WNK3: variants seen among roughly 807,000 people sequenced by gnomAD.
WNK3 encodes the protein serine/threonine-protein kinase WNK3.
A neutral mutation model predicts 116.7 loss-of-function variants in WNK3; 18 were observed. The observed-to-expected ratio is 0.15, with a 90% CI of 0.11 to 0.23. WNK3 has a LOEUF of 0.23. Among genes scored for constraint, WNK3 ranks in the 10% least tolerant of loss-of-function variants. WNK3 has a pLI of 1.00. For missense variants in WNK3, 993 were observed against 1,323.8 expected, an observed-to-expected ratio of 0.75 and a Z score of 3.88; for synonymous variants, 404 against 469.4, an observed-to-expected ratio of 0.86 and a Z score of 1.80.
intron 10 of WNK3, among the ~76,000 whole-genome samples, chrX:54,259,931 G>C (rs1025687629): frequency 8.9e-6 from 1 of 111,944 alleles, no homozygotes; most frequent in Non-Finnish European, 1.9e-5. Flanking sequence ...ATAGCAGAGT[G>C]ATCTTAGAAT....
chrX:54,294,626 T>C (rs782103282), exon 8 of WNK3: 1 of 1,206,573 alleles, frequency 8.3e-7, no homozygotes, highest in South Asian at 1.8e-5. Flanking sequence ...CAACTTCAGT[T>C]TCTTCACATT....
rs1334003940 is a variant in WNK3 at position 54,248,030 on chromosome X, C to G, written c.3651+667G>C. Among the ~76,000 whole-genome samples, 3 of 110,642 alleles carry G rather than the reference C, an allele frequency of 2.7e-5. No individual in the cohort carries two copies. In the Admixed American group the frequency reaches 2.9e-4, roughly 11 times the overall value. ...GGCCAAGGCAGGTGGATCACGAGGT[C>G]AAGAGTTCGAGACCAGCCTGGCCAA... is the stretch of plus-strand genomic sequence containing the variant. On this transcript the variant is annotated intron_variant, in intron 17 of 23. Transcript: ENST00000354646.
chrX:54,233,126 A>C, intron 20 of WNK3, 106 bp from the exon 21 acceptor site: 1 of 607,572 alleles, frequency 1.6e-6, no homozygotes, highest in Non-Finnish European at 2.6e-6. Flanking sequence ...AATTTAGATT[A>C]AGAATGGGGA....
chrX:54,224,171 T>C (rs1427832017), intron 22 of WNK3: 2 of 111,568 alleles, frequency 1.8e-5, no homozygotes, highest in African/African-American at 6.6e-5. Flanking sequence ...CTGACCAACA[T>C]AGAGAACCCC....
chrX:54,290,169 G>A (rs1356349092), intron 10 of WNK3, among the ~76,000 whole-genome samples: 1 of 110,767 alleles, frequency 9.0e-6, no homozygotes, highest in Non-Finnish European at 1.9e-5. Context: ...CCAGCTACTT[G>A]GGAGGCTGAG....
chrX:54,307,265 C>T (rs2147161659), intron 5 of WNK3, among the ~76,000 whole-genome samples: 1 of 108,743 alleles, frequency 9.2e-6, no homozygotes, highest in East Asian at 2.9e-4. Flanking sequence ...TTTAAAAAAC[C>T]AATACCTACT....
At chrX:54,320,127 C>G (rs782605167) in intron 2 of WNK3, among the ~76,000 whole-genome samples, 34 of 111,949 alleles carry the variant, frequency 3.0e-4, no homozygotes, top group Non-Finnish European at 5.6e-4. Context: ...CTACTCCACA[C>G]TACTGTAAAA....
chrX:54,326,475 A>G (rs1304229103), intron 2 of WNK3, among the ~76,000 whole-genome samples: 1 of 110,909 alleles, frequency 9.0e-6, no homozygotes, highest in East Asian at 2.9e-4. Flanking sequence ...AGGCCAAGGT[A>G]GGAGGATCAC....
intron 22 of WNK3, among the ~76,000 whole-genome samples, chrX:54,224,743 G>T (rs2067813834): frequency 9.1e-6 from 1 of 109,639 alleles, no homozygotes; most frequent in Admixed American, 9.8e-5. Context: ...CTAATTTTTT[G>T]TATTTTTAGT....
rs900235852 is a variant in WNK3 at position 54,218,942 on chromosome X, T to A, written c.4870+9772A>T. Among the ~76,000 whole-genome samples the A allele has an allele frequency of 7.3e-5, 8 of 110,037 alleles. No homozygotes were observed. In the Admixed American group the frequency reaches 7.8e-4, roughly 11 times the overall value. On this transcript the variant is annotated intron_variant, in intron 22 of 23. Transcript: ENST00000354646. ...TAAATAAATTGATAGATAGATAAAA[T>A]AAAAAATAAAAAAATTTAAAAAAGT...
At chrX:54,358,364 A>ATTCTT (rs2147374717), upstream of WNK3, among the ~76,000 whole-genome samples, 1 of 109,025 alleles carries the variant, frequency 9.2e-6, no homozygotes, top group South Asian at 4.0e-4. Flanking sequence ...GAGAAGAAGA[A>ATTCTT]GAAGAAGAAA....
chrX:54,279,392 C>T (rs1055139679), intron 10 of WNK3, among the ~76,000 whole-genome samples: 2 of 110,522 alleles, frequency 1.8e-5, no homozygotes, highest in African/African-American at 6.6e-5. Flanking sequence ...CAGGGAGACC[C>T]GTCTCTACAC....
intron 17 of WNK3, among the ~76,000 whole-genome samples, chrX:54,244,016 T>C (rs1214243266): frequency 6.3e-5 from 7 of 111,887 alleles, no homozygotes; most frequent in Non-Finnish European, 5.6e-5. Flanking sequence ...ATATGAAATA[T>C]CTAGCATAAG....
At chrX:54,270,307 G>A (rs1278586649) in intron 10 of WNK3, among the ~76,000 whole-genome samples, 2 of 109,513 alleles carry the variant, frequency 1.8e-5, no homozygotes, top group African/African-American at 6.6e-5. Flanking sequence ...GTTTCTCCAC[G>A]TTGGTCAGGC....
rs569693679 is a variant in WNK3, at chrX:54,224,608, C to T, written c.4870+4106G>A. On this transcript the variant is annotated intron_variant, in intron 22 of 23. Coordinates refer to ENST00000354646, the Ensembl canonical transcript of WNK3. ...TTTTTGAGATGGAGTCTCGCTCTGT[C>T]GCCCAGGCTGGAGTGCAGTGGCAAG... Among the ~76,000 whole-genome samples the T allele has an allele frequency of 7.9e-4, 85 of 107,608 alleles. 5 individuals carry two copies. In the South Asian group the frequency reaches 0.035, roughly 44 times the overall value. 93.4% of individuals were successfully genotyped at this position (107,608 alleles called of 115,157 possible). A position where few individuals can be genotyped will look rare whatever the true frequency, so the allele number is the denominator to read the frequency against.
chrX:54,314,641 T>C (rs1254581649), intron 2 of WNK3, among the ~76,000 whole-genome samples: 1 of 110,549 alleles, frequency 9.0e-6, no homozygotes, highest in Non-Finnish European at 1.9e-5. Flanking sequence ...TAGTGGTGTA[T>C]GTCTGTAGTC....
chrX:54,301,228 G>A (rs911658860), intron 6 of WNK3, among the ~76,000 whole-genome samples: 11 of 95,454 alleles, frequency 1.2e-4, no homozygotes, highest in African/African-American at 2.0e-4. Context: ...GGGTAACAGA[G>A]CGAGACTCTG....
chrX:54,249,643 A>G lies in WNK3; in HGVS notation c.2714-9T>C. 8.4e-7 allele frequency: 1 copy of G among 1,189,693 alleles called. No homozygotes were observed. Among genetic ancestry groups the G allele is most frequent in the Non-Finnish European group, 1.1e-6 (1 of 880,592 alleles). ...ACTTGTGTTTTTTGGACCTGGAACA[A>G]TAATAAAGAATGGCTAAGCACGTAC... On this transcript the variant is annotated splice_polypyrimidine_tract_variant and intron_variant, in intron 16 of 23. Coordinates refer to ENST00000354646, the Ensembl canonical transcript of WNK3.
chrX:54,297,620 G>A (rs1228993980), intron 7 of WNK3, among the ~76,000 whole-genome samples: 1 of 110,580 alleles, frequency 9.0e-6, no homozygotes, highest in African/African-American at 3.3e-5. Flanking sequence ...TGGTGATGAG[G>A]GAGGAAAATG....
Sources: allele counts gnomAD v4.1 joint callset (sites outside exome capture counted in the v4.1 genomes callset), GRCh38; gene constraint gnomAD v4.1.1; transcripts MANE v1.5; gene names NCBI Gene and HGNC (gene_info 2026-07-23, HGNC 2026-07-21).